The following ZNF669 variants were observed in gnomAD, a reference collection of about 807,000 sequenced individuals.
ZNF669 encodes the protein zinc finger protein 669.
In ZNF669, 7 loss-of-function variants were observed where a neutral mutation model predicts 11.4. The observed-to-expected ratio is 0.62, with a 90% CI of 0.35 to 1.16. The LOEUF is 1.16. ZNF669 is among the 50% of genes most tolerant of loss of function. The pLI is 0.02. For synonymous variants in ZNF669, 153 were observed against 155.8 expected (o/e 0.98, Z 0.13); for missense variants, 492 against 463.6 (o/e 1.06, Z -0.56).
Position 247,100,966 on chromosome 1 carries a change from T to A in ZNF669, c.545A>T (p.His182Leu). The A allele has an allele frequency of 6.2e-7, 1 of 1,613,404 alleles. No homozygotes were observed. Among genetic ancestry groups the A allele is most frequent in the Non-Finnish European group, 8.5e-7 (1 of 1,179,860 alleles). Residue 182 changes from histidine to leucine, a missense_variant, in exon 4 of 4, where the codon CAT becomes CTT. His to Leu is a moderately conservative substitution (Grantham distance 99). Transcript: ENST00000448299. ...AFYFLNSVERHQRTHTGEKPY... is the reference protein window; with the variant it reads ...AFYFLNSVERLQRTHTGEKPY... ...TTTTTCTCCTGTGTGAGTTCTCTGA[T>A]GTCTTTCAACTGAATTGAGAAAATA...
intron 2 of ZNF669, 74 bp from the exon 3 acceptor site, chr1:247,101,865 GT>G: frequency 6.2e-7 from 1 of 1,601,314 alleles, no homozygotes; most frequent in Non-Finnish European, 8.6e-7. Context: ...AATGTTCACT[GT>G]ACACAGTGCC....
intron 3 of ZNF669, 94 bp from the exon 4 acceptor site, chr1:247,101,413 A>C: frequency 7.1e-7 from 1 of 1,405,336 alleles, no homozygotes; most frequent in South Asian, 1.5e-5. Flanking sequence ...TACCAATATC[A>C]GGGAAAATGC....
Position 247,100,800 on chromosome 1 carries a change from C to G in ZNF669, c.711G>C (p.Thr237=). 1 of 1,613,654 alleles carries G rather than the reference C, an allele frequency of 6.2e-7. No individual in the cohort carries two copies. The highest frequency in any genetic ancestry group is 1.3e-5 in the African/African-American group (1 of 74,998). The change falls in exon 4 of 4, where the codon ACG becomes ACC. Residue 237 remains threonine (T), a synonymous_variant. Coordinates refer to ENST00000448299, the MANE Select transcript of ZNF669 (RefSeq NM_001142572.2). The part of the protein sequence containing the change: ...KTFRFSCSFK[T]HERTHTGERP... ...TTTCTCCAGTGTGAGTCCTTTCATGCGTCTTAAAAGAACAAGAAAATCTGA... is the reference window on the plus strand; with the variant it reads ...TTTCTCCAGTGTGAGTCCTTTCATGGGTCTTAAAAGAACAAGAAAATCTGA...
chr1:247,100,952 T>C lies in ZNF669; in HGVS notation c.559A>G (p.Thr187Ala). The C allele has an allele frequency of 5.0e-6, 8 of 1,613,444 alleles. No individual in the cohort carries two copies. The highest frequency in any genetic ancestry group is 6.8e-6 in the Non-Finnish European group (8 of 1,179,870). ...TTACATTTATAGGGTTTTTCTCCTGTGTGAGTTCTCTGATGTCTTTCAACT... is the reference window on the plus strand; with the variant it reads ...TTACATTTATAGGGTTTTTCTCCTGCGTGAGTTCTCTGATGTCTTTCAACT... ...NSVERHQRTH[T>A]GEKPYKCKQC... The change falls in exon 4 of 4, where the codon ACA (threonine) becomes GCA (alanine). Residue 187 changes from threonine (T) to alanine (A), a missense_variant. By Grantham distance (58) the Thr-to-Ala change is moderately conservative. Transcript: ENST00000448299.
intron 2 of ZNF669, 50 bp downstream of exon 2, chr1:247,101,937 A>G (rs762695941): frequency 6.2e-6 from 10 of 1,613,466 alleles, no homozygotes; most frequent in African/African-American, 1.3e-5. Flanking sequence ...AATAGCACTG[A>G]TGATAGGGAA....
At position 247,101,990 on chromosome 1, in the gene ZNF669, C is replaced by G. The variant is rs1671734515; in HGVS notation, c.127G>C (p.Val43Leu). Residue 43 changes from valine to leucine, a missense_variant, in exon 2 of 4, where the codon GTA becomes CTA. Transcript: ENST00000448299. ...TGAAATGTGTTGTCATTCTTACCTA[C>G]AGAAGCCAGGTTCCTGCAGGTTTCC... ...MQETCRNLAS[V>L]GSQWKDQNIE... 3.7e-6 allele frequency: 6 copies of G among 1,613,926 alleles called. 1 individual carries two copies. The South Asian group carries it at 5.5e-5, about 15-fold the overall frequency.
At position 247,100,572 on chromosome 1, in the gene ZNF669, G is replaced by A. The variant is rs542902449; in HGVS notation, c.939C>T (p.Phe313=). 1.4e-5 allele frequency: 23 copies of A among 1,614,076 alleles called. No individual in the cohort carries two copies. Among genetic ancestry groups the A allele is most frequent in the Non-Finnish European group, 1.8e-5 (21 of 1,180,038 alleles). ...GGAGGTGAAGGGAACTGAGGCGACTGAAGGCTTGATCACATTGTTTACATT... is the reference window on the plus strand; with the variant it reads ...GGAGGTGAAGGGAACTGAGGCGACTAAAGGCTTGATCACATTGTTTACATT... The part of the protein sequence containing the change: ...PYECKQCDQA[F]SRLSSLHLHE... Residue 313 remains phenylalanine (F), a synonymous_variant, in exon 4 of 4, where the codon TTC becomes TTT. Transcript: ENST00000448299.
Position 247,101,727 on chromosome 1 carries a change from T to G in ZNF669, c.191+4A>C. 6.2e-7 allele frequency: 1 copy of G among 1,613,728 alleles called. No individual in the cohort carries two copies. The highest frequency in any genetic ancestry group is 1.3e-5 in the African/African-American group (1 of 75,048). On this transcript the variant is annotated splice_donor_region_variant and intron_variant, in intron 3 of 3. Coordinates refer to ENST00000448299, the MANE Select transcript of ZNF669 (RefSeq NM_001142572.2). ...CTTTATTTCCTCTGCTCAGTGCAAA[T>G]TACCTTATATCTTTCCCAGGTTTTT...
At chr1:247,103,898 C>A in intron 1 of ZNF669, 3 of 1,544,044 alleles carry the variant, frequency 1.9e-6, no homozygotes, top group Middle Eastern at 2.4e-4. Context: ...GACACCGAGT[C>A]GGGGCTCTCC....
Position 247,100,193 on chromosome 1 carries a change from C to G in ZNF669, c.*181G>C, listed in dbSNP as rs1033532394. 2.6e-5 allele frequency: 14 copies of G among 547,170 alleles called. No homozygotes were observed. Among genetic ancestry groups the G allele is most frequent in the African/African-American group, 2.5e-4 (13 of 52,844 alleles). The allele number at this position is 547,170 out of a possible 1,614,324, so 33.9% of individuals were successfully genotyped here. ...TAGAGACGGGGTTTCACCGTGTTGG[C>G]CAGGATGGTCTCGATCTCCTGACCT... On this transcript the variant is annotated 3_prime_UTR_variant, in exon 4 of 4. Coordinates refer to ENST00000448299, the MANE Select transcript of ZNF669 (RefSeq NM_001142572.2).
rs764368353 is a variant in ZNF669, at chr1:247,101,835, G to A, written c.131-44C>T. 3.7e-6 allele frequency: 6 copies of A among 1,607,602 alleles called. No individual in the cohort carries two copies. The Admixed American group carries it at 5.0e-5, about 13-fold the overall frequency. On this transcript the variant is annotated intron_variant, in intron 2 of 3. Coordinates refer to ENST00000448299, the MANE Select transcript of ZNF669 (RefSeq NM_001142572.2). ...AAATTATCATGAATTATTACAAACTGTAGACACATTACTAGATTTAATGTT... is the reference window on the plus strand; with the variant it reads ...AAATTATCATGAATTATTACAAACTATAGACACATTACTAGATTTAATGTT...
chr1:247,100,866 A>G lies in ZNF669; in HGVS notation c.645T>C (p.Thr215=). The change falls in exon 4 of 4, where the codon ACT becomes ACC. Residue 215 remains threonine, a synonymous_variant. Transcript: ENST00000448299. Reference sequence around the variant, plus strand: ...CCTTACATTCGTAGGGTTTCTCTCCAGTGTGAGTTCGTTCATGTATTAGAC... The same window carrying G: ...CCTTACATTCGTAGGGTTTCTCTCCGGTGTGAGTTCGTTCATGTATTAGAC... ...GSCLIHERTH[T]GEKPYECKEC... 2 of 1,614,190 alleles carry G rather than the reference A, an allele frequency of 1.2e-6. No homozygotes were observed. Among genetic ancestry groups the G allele is most frequent in the Non-Finnish European group, 1.7e-6 (2 of 1,180,048 alleles).
intron 1 of ZNF669, among the ~76,000 whole-genome samples, chr1:247,103,610 C>T (rs1415617036): frequency 8.5e-6 from 1 of 118,192 alleles, no homozygotes; most frequent in Admixed American, 1.2e-4. Context: ...TCCAGCCTGG[C>T]GACAGGGCGA....
At position 247,100,514 on chromosome 1, in the gene ZNF669, C is replaced by A. The variant is rs1167392959; in HGVS notation, c.997G>T (p.Glu333Ter). 2.5e-6 allele frequency: 4 copies of A among 1,614,074 alleles called. No homozygotes were observed. The African/African-American group carries it at 5.3e-5, about 22-fold the overall frequency. The change falls in exon 4 of 4, where the codon GAA becomes TAA. Residue 333 changes from glutamate to a stop codon, truncating the protein, a stop_gained. Coordinates refer to ENST00000448299, the MANE Select transcript of ZNF669 (RefSeq NM_001142572.2). LOFTEE classifies it low-confidence loss of function (END_TRUNC). ...TAGGCTTTACCGCATTTCTTACATT[C>A]ATAGGGTTTTTCTCCAGTATGAATT... The part of the protein sequence containing the change: ...ERIHTGEKPY[E>*]CKKCGKAYTR...
chr1:247,101,199 T>C lies in ZNF669; in HGVS notation c.312A>G (p.Glu104=). ...ENISTGLKPC[E]CSICGKVFVR... The stretch of plus-strand genomic sequence containing the variant: ...CAAAGACTTTTCCACAAATACTGCA[T>C]TCACATGGTTTTAATCCAGTAGAAA... Residue 104 remains glutamate, a synonymous_variant, in exon 4 of 4, where the codon GAA becomes GAG. Coordinates refer to ENST00000448299, the MANE Select transcript of ZNF669 (RefSeq NM_001142572.2). 6.2e-7 allele frequency: 1 copy of C among 1,614,084 alleles called. No individual in the cohort carries two copies. The highest frequency in any genetic ancestry group is 8.5e-7 in the Non-Finnish European group (1 of 1,179,998).
rs1218268654 is a variant in ZNF669, at chr1:247,101,741, T to C, written c.181A>G (p.Lys61Glu). Reference sequence around the variant, plus strand: ...CTCAGTGCAAATTACCTTATATCTTTCCCAGGTTTTTCGAAGTGATCTTCA... The same window carrying C: ...CTCAGTGCAAATTACCTTATATCTTCCCCAGGTTTTTCGAAGTGATCTTCA... ...NIEDHFEKPG[K>E]DIRNHIVQRL... The change falls in exon 3 of 4, where the codon AAA becomes GAA. Residue 61 changes from lysine (K) to glutamate (E), a missense_variant. Transcript: ENST00000448299. 6.2e-7 allele frequency: 1 copy of C among 1,614,022 alleles called. No homozygotes were observed. Among genetic ancestry groups the C allele is most frequent in the South Asian group, 1.1e-5 (1 of 91,052 alleles).
In ZNF669 at chr1:247,100,567, C is replaced by G. The variant is rs1671698133; in HGVS notation, c.944G>C (p.Arg315Pro). ...ECKQCDQAFS[R>P]LSSLHLHERI... ...TTCGTGGAGGTGAAGGGAACTGAGG[C>G]GACTGAAGGCTTGATCACATTGTTT... Residue 315 changes from arginine to proline, a missense_variant, in exon 4 of 4, where the codon CGC (arginine) becomes CCC (proline). Coordinates refer to ENST00000448299, the MANE Select transcript of ZNF669 (RefSeq NM_001142572.2). 6.2e-7 allele frequency: 1 copy of G among 1,613,978 alleles called. No homozygotes were observed. The highest frequency in any genetic ancestry group is 1.3e-5 in the African/African-American group (1 of 74,904).
intron 1 of ZNF669, 119 bp downstream of exon 1, chr1:247,104,078 C>G: frequency 6.3e-7 from 1 of 1,586,198 alleles, no homozygotes; most frequent in Non-Finnish European, 8.6e-7. Context: ...GCCCCGGCTA[C>G]GCCACGGCGA....
Position 247,100,448 on chromosome 1 carries a change from C to T in ZNF669, c.1063G>A (p.Asp355Asn). The T allele has an allele frequency of 1.9e-6, 3 of 1,614,206 alleles. No individual in the cohort carries two copies. The highest frequency in any genetic ancestry group is 2.5e-6 in the Non-Finnish European group (3 of 1,180,040). ...SHLTRHERSHDIEAGCSDSAY... is the reference protein window; with the variant it reads ...SHLTRHERSHNIEAGCSDSAY... ...GAGTCACTACACCCAGCCTCTATATCATGACTTCTTTCATGGCGAGTAAGG... is the reference window on the plus strand; with the variant it reads ...GAGTCACTACACCCAGCCTCTATATTATGACTTCTTTCATGGCGAGTAAGG... The change falls in exon 4 of 4, where the codon GAT becomes AAT. Residue 355 changes from aspartate to asparagine, a missense_variant. Transcript: ENST00000448299.
Sources: gnomAD v4.1 joint callset for allele counts (sites outside exome capture counted in the v4.1 genomes callset) on GRCh38, gnomAD v4.1.1 for gene constraint, MANE v1.5 for transcripts, NCBI Gene and HGNC (gene_info 2026-07-23, HGNC 2026-07-21) for gene names.